Variants in STPG2 observed in about 807,000 individuals in gnomAD.
STPG2 encodes the protein sperm tail PG-rich repeat containing 2.
A neutral mutation model predicts 54.2 loss-of-function variants in STPG2; 56 were observed. That is an observed-to-expected ratio of 1.03 (90% CI 0.83 to 1.29). The LOEUF (loss-of-function observed/expected upper bound fraction) is 1.29. Ranked by LOEUF, STPG2 falls within the 50% of genes most tolerant of loss-of-function variation. STPG2 has a pLI of 0.00. For missense variants in STPG2, 596 were observed against 544.9 expected (o/e 1.09, Z -0.93); for synonymous variants, 200 against 181.8 (o/e 1.10, Z -0.81).
chr4:97,924,146 C>A (rs554886367), intron 8 of STPG2, among the ~76,000 whole-genome samples: 1 of 152,098 alleles, frequency 6.6e-6, no homozygotes, highest in South Asian at 2.1e-4. Context: ...AGCGAGACCA[C>A]GAACCCACCA....
intron 8 of STPG2, among the ~76,000 whole-genome samples, chr4:97,930,099 A>G (rs1392906135): frequency 6.6e-6 from 1 of 152,012 alleles, no homozygotes; most frequent in Non-Finnish European, 1.5e-5. Context: ...AGGTTTCACC[A>G]TGTTGGCCAG....
chr4:97,644,279 G>C (rs1392125380), intron 10 of STPG2, among the ~76,000 whole-genome samples: 2 of 151,870 alleles, frequency 1.3e-5, no homozygotes, highest in Non-Finnish European at 2.9e-5. Flanking sequence ...AACACATACA[G>C]CATCAGGATA....
At chr4:97,512,698 T>A (rs1730997697) in intron 4 of STPG2, among the ~76,000 whole-genome samples, 1 of 151,988 alleles carries the variant, frequency 6.6e-6, no homozygotes, top group African/African-American at 2.4e-5. Flanking sequence ...CTTCATGGTT[T>A]AAAAATATTA....
At chr4:98,079,781 TA>T (rs1256575530) in intron 5 of STPG2, among the ~76,000 whole-genome samples, 1 of 152,172 alleles carries the variant, frequency 6.6e-6, no homozygotes, top group East Asian at 1.9e-4. Flanking sequence ...ACTCTTTAGG[TA>T]CATTTACATG....
chr4:98,055,604 G>A (rs1737457340), intron 5 of STPG2, among the ~76,000 whole-genome samples: 1 of 152,218 alleles, frequency 6.6e-6, no homozygotes, highest in Non-Finnish European at 1.5e-5. Flanking sequence ...AGAGAGAGCT[G>A]CTTAGAGAAG....
chr4:97,869,686 C>A (rs1729911576), intron 8 of STPG2, among the ~76,000 whole-genome samples: 1 of 151,624 alleles, frequency 6.6e-6, no homozygotes, highest in South Asian at 2.1e-4. Context: ...CTTTAGAAAG[C>A]AGTTCTGTCA....
At chr4:97,467,532 A>C (rs534535190) in intron 4 of STPG2, among the ~76,000 whole-genome samples, 1 of 152,076 alleles carries the variant, frequency 6.6e-6, no homozygotes, top group East Asian at 1.9e-4. Flanking sequence ...TTTTACATTC[A>C]TACAGTATTC....
chr4:97,862,735 T>C (rs1729602941), intron 8 of STPG2, among the ~76,000 whole-genome samples: 2 of 152,082 alleles, frequency 1.3e-5, no homozygotes, highest in South Asian at 4.1e-4. Context: ...ACAGAAATTA[T>C]AACAAACTGT....
rs533696090 is a variant in STPG2, at chr4:97,878,990, T to C, written c.1045-38058A>G. On this transcript the variant is annotated intron_variant, in intron 8 of 10. Transcript: ENST00000295268. ...TGCCAGATACCGTAAATCATCTCCC[T>C]CAAGTTCAAAGTTCCATAAATCTCT... Among the ~76,000 whole-genome samples the C allele has an allele frequency of 2.6e-5, 4 of 152,268 alleles. No individual in the cohort carries two copies. The East Asian group carries it at 7.7e-4, about 29-fold the overall frequency.
intron 10 of STPG2, among the ~76,000 whole-genome samples, chr4:97,686,781 C>T (rs1027248051): frequency 1.3e-5 from 2 of 151,958 alleles, no homozygotes; most frequent in East Asian, 1.9e-4. Context: ...AAACATATCA[C>T]GGTAGTAAAT....
intron 7 of STPG2, among the ~76,000 whole-genome samples, chr4:97,968,166 G>C (rs912137687): frequency 2.0e-5 from 3 of 152,084 alleles, no homozygotes; most frequent in Non-Finnish European, 4.4e-5. Context: ...AATAAAAAAT[G>C]ATAAAAGGGA....
In STPG2 at chr4:97,814,896, C is replaced by A. The variant is rs865880038; in HGVS notation, c.1204+25877G>T. On this transcript the variant is annotated intron_variant, in intron 9 of 10. Transcript: ENST00000295268. ...AGCTTGCAGAGAGCCTATTGTGGGACCCTGTGATCGTGTGAGTTAATACTA... is the reference window on the plus strand; with the variant it reads ...AGCTTGCAGAGAGCCTATTGTGGGAACCTGTGATCGTGTGAGTTAATACTA... Among the ~76,000 whole-genome samples, 5 of 152,152 alleles carry A rather than the reference C, an allele frequency of 3.3e-5. No individual in the cohort carries two copies. In the Middle Eastern group the frequency reaches 0.01, roughly 311 times the overall value.
At chr4:97,686,371 G>A (rs1053417689) in intron 10 of STPG2, among the ~76,000 whole-genome samples, 1 of 152,072 alleles carries the variant, frequency 6.6e-6, no homozygotes, top group Non-Finnish European at 1.5e-5. Flanking sequence ...GAAACTCTCT[G>A]GGCATGGCTA....
intron 9 of STPG2, among the ~76,000 whole-genome samples, chr4:97,811,583 T>C (rs1157989780): frequency 1.3e-5 from 2 of 152,138 alleles, no homozygotes; most frequent in Admixed American, 1.3e-4. Flanking sequence ...CAGATTTAAC[T>C]GATTTTGTTA....
intron 9 of STPG2, among the ~76,000 whole-genome samples, chr4:97,757,511 T>A (rs1351420211): frequency 2.0e-5 from 3 of 152,180 alleles, no homozygotes; most frequent in African/African-American, 7.2e-5. Context: ...CTTGAAATCT[T>A]CTTTAGGTCA....
intron 8 of STPG2, among the ~76,000 whole-genome samples, chr4:97,872,354 G>T (rs767723625): frequency 6.6e-6 from 1 of 151,086 alleles, no homozygotes; most frequent in Non-Finnish European, 1.5e-5. Context: ...GTATCTATTT[G>T]CAAATTATAT....
At chr4:97,487,288 C>A (rs546830653) in intron 4 of STPG2, among the ~76,000 whole-genome samples, 1 of 150,710 alleles carries the variant, frequency 6.6e-6, no homozygotes, top group Non-Finnish European at 1.5e-5. Flanking sequence ...CTATAGAAAC[C>A]AGAAGTGGCT....
chr4:97,455,491 A>G (rs1729492068), intron 4 of STPG2, among the ~76,000 whole-genome samples: 2 of 152,052 alleles, frequency 1.3e-5, no homozygotes, highest in South Asian at 4.2e-4. Flanking sequence ...CCATCAACCA[A>G]TGGAAGAACA....
intron 4 of STPG2, among the ~76,000 whole-genome samples, chr4:97,532,628 G>A (rs1317625922): frequency 3.3e-5 from 5 of 152,152 alleles, no homozygotes; most frequent in Non-Finnish European, 7.3e-5. Flanking sequence ...CTGTATTCAT[G>A]GCGGTTCAGG....
Sources: gnomAD v4.1 joint callset for allele counts (sites outside exome capture counted in the v4.1 genomes callset) on GRCh38, gnomAD v4.1.1 for gene constraint, MANE v1.5 for transcripts, NCBI Gene and HGNC (gene_info 2026-07-23, HGNC 2026-07-21) for gene names.